The following SEMA3E variants were observed in gnomAD, a reference collection of about 807,000 sequenced individuals.
The protein encoded by SEMA3E is semaphorin-3E.
In SEMA3E, 49 loss-of-function variants were observed where a neutral mutation model predicts 93.6. That is an observed-to-expected ratio of 0.52 (90% CI 0.42 to 0.66). The LOEUF is 0.66. Among genes scored for constraint, SEMA3E ranks in the 30% least tolerant of loss-of-function variants. The pLI is 0.00. For synonymous variants in SEMA3E, 363 were observed against 330.7 expected, an observed-to-expected ratio of 1.10 and a Z score of -1.06; for missense variants, 906 against 964.8, an observed-to-expected ratio of 0.94 and a Z score of 0.81.
intron 11 of SEMA3E, among the ~76,000 whole-genome samples, chr7:83,397,219 A>G (rs1208534919): frequency 6.6e-6 from 1 of 152,134 alleles, no homozygotes; most frequent in Non-Finnish European, 1.5e-5. Context: ...TTAATTTTAT[A>G]TGCCTGGCCA....
intron 4 of SEMA3E, among the ~76,000 whole-genome samples, chr7:83,452,324 G>A (rs1040970140): frequency 6.6e-6 from 1 of 151,912 alleles, no homozygotes; most frequent in Admixed American, 6.6e-5. Context: ...TTGTTCAAGT[G>A]GGGGAAAAAA....
chr7:83,548,672 C>T (rs929962103), intron 1 of SEMA3E, among the ~76,000 whole-genome samples: 5 of 152,006 alleles, frequency 3.3e-5, no homozygotes, highest in African/African-American at 4.8e-5. Flanking sequence ...AATTCTCTGC[C>T]GTTTCTAAAA....
intron 1 of SEMA3E, among the ~76,000 whole-genome samples, chr7:83,492,500 A>G (rs1183213613): frequency 6.6e-6 from 1 of 152,152 alleles, no homozygotes; most frequent in South Asian, 2.1e-4. Context: ...GTAGAAACTA[A>G]TTATTGAATC....
chr7:83,524,540 A>T (rs968200240), intron 1 of SEMA3E, among the ~76,000 whole-genome samples: 5 of 152,148 alleles, frequency 3.3e-5, no homozygotes, highest in African/African-American at 1.2e-4. Flanking sequence ...TTATGAATTT[A>T]ACACGTCATT....
chr7:83,367,132 A>G lies in SEMA3E; in HGVS notation c.*454T>C, dbSNP rs1794680831. 1.0e-5 allele frequency: 2 copies of G among 193,952 alleles called. No individual in the cohort carries two copies. Among genetic ancestry groups the G allele is most frequent in the Non-Finnish European group, 2.1e-5 (2 of 93,990 alleles). The allele number at this position is 193,952 out of a possible 1,614,324, so 12.0% of individuals were successfully genotyped here. A position where few individuals can be genotyped will look rare whatever the true frequency, so the allele number is the denominator to read the frequency against. On this transcript the variant is annotated 3_prime_UTR_variant, in exon 17 of 17. Coordinates refer to ENST00000643230, the MANE Select transcript of SEMA3E (RefSeq NM_012431.3). Reference sequence around the variant, plus strand: ...AATCCTTAAAGAGTACAGAAAGTTCACATGAGAATGCCAAAGTATCTTGTA... The same window carrying G: ...AATCCTTAAAGAGTACAGAAAGTTCGCATGAGAATGCCAAAGTATCTTGTA...
intron 16 of SEMA3E, among the ~76,000 whole-genome samples, chr7:83,370,910 T>C (rs1180548835): frequency 6.6e-6 from 1 of 152,150 alleles, no homozygotes; most frequent in Non-Finnish European, 1.5e-5. Context: ...GATTTAGAAC[T>C]TATTCAGATC....
chr7:83,396,560 G>T, intron 12 of SEMA3E, 78 bp downstream of exon 12: 2 of 851,844 alleles, frequency 2.3e-6, no homozygotes, highest in South Asian at 1.4e-5. Context: ...AAAAAAAATG[G>T]ACATAGTATC....
At chr7:83,369,910 T>C (rs1303696501) in intron 16 of SEMA3E, among the ~76,000 whole-genome samples, 2 of 152,186 alleles carry the variant, frequency 1.3e-5, no homozygotes, top group African/African-American at 4.8e-5. Flanking sequence ...ATACTGACTC[T>C]GAAGTAAGCC....
At chr7:83,512,096 T>C (rs1790837359) in intron 1 of SEMA3E, among the ~76,000 whole-genome samples, 1 of 152,196 alleles carries the variant, frequency 6.6e-6, no homozygotes, top group African/African-American at 2.4e-5. Context: ...TCATGAATGC[T>C]AAGAATGGTT....
At chr7:83,513,753 A>G (rs1388557134) in intron 1 of SEMA3E, among the ~76,000 whole-genome samples, 1 of 152,216 alleles carries the variant, frequency 6.6e-6, no homozygotes, top group Non-Finnish European at 1.5e-5. Flanking sequence ...TTACAAAATC[A>G]GGTTTTCAAA....
chr7:83,388,744 T>C (rs1787933935), intron 14 of SEMA3E, among the ~76,000 whole-genome samples: 1 of 151,706 alleles, frequency 6.6e-6, no homozygotes, highest in African/African-American at 2.4e-5. Context: ...TTCCCTTTCC[T>C]GGCTCTTTGT....
At chr7:83,496,339 C>A (rs980832579) in intron 1 of SEMA3E, among the ~76,000 whole-genome samples, 1 of 151,588 alleles carries the variant, frequency 6.6e-6, no homozygotes, top group Non-Finnish European at 1.5e-5. Flanking sequence ...TTTTGCAGAG[C>A]CTGATATAAA....
intron 1 of SEMA3E, among the ~76,000 whole-genome samples, chr7:83,557,015 A>C (rs922075614): frequency 6.6e-6 from 1 of 152,176 alleles, no homozygotes; most frequent in African/African-American, 2.4e-5. Flanking sequence ...CAGAACTAAG[A>C]AACAAATTCA....
chr7:83,471,674 A>T (rs1459746288), intron 2 of SEMA3E, among the ~76,000 whole-genome samples: 1 of 152,178 alleles, frequency 6.6e-6, no homozygotes, highest in Non-Finnish European at 1.5e-5. Flanking sequence ...CTATACTTTC[A>T]TTCCAAAAGA....
intron 1 of SEMA3E, among the ~76,000 whole-genome samples, chr7:83,600,486 A>ATTTTTTTTTTTTTTTTTTT (rs71522671): frequency 7.9e-5 from 5 of 63,078 alleles, no homozygotes; most frequent in East Asian, 4.5e-4. Flanking sequence ...CGCCCAGCTA[A>ATTTTTTTTTTTTTTTTTTT]TTTTTTTTTT....
chr7:83,506,303 C>G (rs1193343397), intron 1 of SEMA3E, among the ~76,000 whole-genome samples: 1 of 151,866 alleles, frequency 6.6e-6, no homozygotes, highest in East Asian at 1.9e-4. Flanking sequence ...ATAATAAGAT[C>G]CAGTCATTTG....
chr7:83,525,806 T>C (rs1288312418), intron 1 of SEMA3E, among the ~76,000 whole-genome samples: 2 of 147,136 alleles, frequency 1.4e-5, no homozygotes, highest in Admixed American at 6.8e-5. Flanking sequence ...TTTTTTCGTC[T>C]CTATATTTCA....
intron 1 of SEMA3E, among the ~76,000 whole-genome samples, chr7:83,613,046 A>G (rs1282393111): frequency 6.6e-6 from 1 of 152,076 alleles, no homozygotes; most frequent in East Asian, 1.9e-4. Flanking sequence ...TTTAGCTTGT[A>G]TGTGATATAT....
chr7:83,644,443 C>T (rs1015527538), intron 1 of SEMA3E, among the ~76,000 whole-genome samples: 4 of 151,900 alleles, frequency 2.6e-5, no homozygotes, highest in Non-Finnish European at 5.9e-5. Flanking sequence ...CTCTTTAGGA[C>T]CTGTTTCCTT....
Sources: gnomAD v4.1 joint callset for allele counts (sites outside exome capture counted in the v4.1 genomes callset) on GRCh38, gnomAD v4.1.1 for gene constraint, MANE v1.5 for transcripts, NCBI Gene and HGNC (gene_info 2026-07-23, HGNC 2026-07-21) for gene names.